MLLT3: variants seen among roughly 807,000 people sequenced by gnomAD.
MLLT3 encodes the protein protein AF-9.
MLLT3 carries 4 observed loss-of-function variants against 53.2 expected under a neutral mutation model. The ratio of observed to expected loss-of-function variants is 0.08; its 90% confidence interval spans 0.04 to 0.17. The LOEUF (loss-of-function observed/expected upper bound fraction) is 0.17, where lower values mean the gene tolerates loss of function less well. Among genes scored for constraint, MLLT3 ranks in the 10% least tolerant of loss-of-function variants. The pLI, the probability that MLLT3 is intolerant of heterozygous loss-of-function variation, is 1.00. For synonymous variants in MLLT3, 283 were observed against 230.6 expected (o/e 1.23, Z -2.06); for missense variants, 569 against 684.0 (o/e 0.83, Z 1.87).
intron 2 of MLLT3, among the ~76,000 whole-genome samples, chr9:20,526,805 C>T (rs1167081867): frequency 6.6e-6 from 1 of 152,130 alleles, no homozygotes; most frequent in Non-Finnish European, 1.5e-5. Context: ...TACATTCCTG[C>T]CAATACTTCA....
At chr9:20,387,638 T>C (rs1822073230) in intron 5 of MLLT3, among the ~76,000 whole-genome samples, 3 of 152,228 alleles carry the variant, frequency 2.0e-5, no homozygotes, top group Non-Finnish European at 4.4e-5. Flanking sequence ...TTGTGATATA[T>C]TATCCTGAAG....
intron 5 of MLLT3, among the ~76,000 whole-genome samples, chr9:20,375,546 T>C (rs1586901657): frequency 6.6e-6 from 1 of 151,860 alleles, no homozygotes; most frequent in Non-Finnish European, 1.5e-5. Flanking sequence ...ATTTGTCCAA[T>C]CAATATTACA....
Position 20,620,647 on chromosome 9 carries a change from GC to G in MLLT3, c.193+6del. The G allele has an allele frequency of 1.9e-6, 3 of 1,612,768 alleles. No homozygotes were observed. Among genetic ancestry groups the G allele is most frequent in the Non-Finnish European group, 2.5e-6 (3 of 1,179,122 alleles). On this transcript the variant is annotated splice_donor_region_variant and intron_variant, in intron 2 of 10. Transcript: ENST00000380338. The surrounding 1 kb of genome is among the most constrained non-coding windows in gnomAD (Gnocchi z 6.1). The stretch of plus-strand genomic sequence containing the variant: ...TTTATCAAGACCCTTTTGTATTCGA[GC>G]CCTACCTCTTTTTGGCCTAGGAAAG...
intron 2 of MLLT3, among the ~76,000 whole-genome samples, chr9:20,599,746 C>T (rs899689624): frequency 1.3e-5 from 2 of 152,120 alleles, no homozygotes; most frequent in Non-Finnish European, 2.9e-5. Context: ...AGTTCTGACA[C>T]CAACACAGGA....
At chr9:20,544,912 C>T (rs1405821061) in intron 2 of MLLT3, among the ~76,000 whole-genome samples, 1 of 151,830 alleles carries the variant, frequency 6.6e-6, no homozygotes, top group East Asian at 1.9e-4. Context: ...AAGTAAGAAC[C>T]TGTCTTTAAA....
intron 4 of MLLT3, among the ~76,000 whole-genome samples, chr9:20,424,847 G>T (rs1435218716): frequency 1.3e-5 from 2 of 152,134 alleles, no homozygotes; most frequent in South Asian, 2.1e-4. Flanking sequence ...ACCACAAAGT[G>T]AGCCTAATGA....
intron 10 of MLLT3, 108 bp downstream of exon 10, chr9:20,353,417 G>T: frequency 1.1e-6 from 1 of 915,166 alleles, no homozygotes; most frequent in Non-Finnish European, 1.8e-6. Flanking sequence ...CATTCGCCAG[G>T]TTCTGATAGC....
chr9:20,440,145 G>A (rs1458162486), intron 4 of MLLT3, among the ~76,000 whole-genome samples: 6 of 152,040 alleles, frequency 3.9e-5, no homozygotes, highest in Non-Finnish European at 7.4e-5. Flanking sequence ...ATCTCAAATG[G>A]GAGAAAGGAG....
rs531290357 is a variant in MLLT3 at position 20,607,381 on chromosome 9, C to A, written c.193+13273G>T. On this transcript the variant is annotated intron_variant, in intron 2 of 10. Coordinates refer to ENST00000380338, the MANE Select transcript of MLLT3 (RefSeq NM_004529.4). Reference sequence around the variant, plus strand: ...TATATTTTCCTCATTCTTGTATACACCTTAATCCTGAAGAAGGGATTCCAG... The same window carrying A: ...TATATTTTCCTCATTCTTGTATACAACTTAATCCTGAAGAAGGGATTCCAG... 5.7e-4 allele frequency among the ~76,000 whole-genome samples: 87 copies of A among 152,196 alleles called. 2 individuals carry two copies. The South Asian group carries it at 0.017, about 30-fold the overall frequency.
At chr9:20,601,866 A>T (rs1334619029) in intron 2 of MLLT3, among the ~76,000 whole-genome samples, 2 of 152,120 alleles carry the variant, frequency 1.3e-5, no homozygotes, top group Non-Finnish European at 2.9e-5. Context: ...TGTGCTACCT[A>T]TACAAATAGG....
At chr9:20,565,593 C>CT (rs1819333048) in intron 2 of MLLT3, among the ~76,000 whole-genome samples, 1 of 152,038 alleles carries the variant, frequency 6.6e-6, no homozygotes, top group South Asian at 2.1e-4. Context: ...CTACAGTTAT[C>CT]TATACCATGA....
intron 5 of MLLT3, among the ~76,000 whole-genome samples, chr9:20,405,504 A>C (rs190619139): frequency 2.6e-5 from 4 of 152,324 alleles, no homozygotes; most frequent in Admixed American, 2.6e-4. Flanking sequence ...AAGAAGCATG[A>C]ATTTTGGCAT....
intron 5 of MLLT3, among the ~76,000 whole-genome samples, chr9:20,376,752 A>G (rs1011540577): frequency 3.3e-5 from 5 of 152,080 alleles, no homozygotes; most frequent in African/African-American, 7.2e-5. Flanking sequence ...TCTCATCACC[A>G]TTTGTACTTT....
chr9:20,571,001 T>A (rs972054871), intron 2 of MLLT3, among the ~76,000 whole-genome samples: 1 of 152,206 alleles, frequency 6.6e-6, no homozygotes. Context: ...TAAGAAGCCA[T>A]GAGTAAAACT....
At chr9:20,619,362 CCTA>C (rs1820928435) in intron 2 of MLLT3, among the ~76,000 whole-genome samples, 1 of 152,164 alleles carries the variant, frequency 6.6e-6, no homozygotes, top group African/African-American at 2.4e-5. Context: ...AAAATACAAT[CCTA>C]CTTCCCATTA....
intron 2 of MLLT3, among the ~76,000 whole-genome samples, chr9:20,507,352 A>C (rs1417400499): frequency 3.3e-5 from 5 of 152,194 alleles, no homozygotes; most frequent in Non-Finnish European, 5.9e-5. Context: ...GGAAGAGCTA[A>C]GGAAATATTT....
intron 5 of MLLT3, among the ~76,000 whole-genome samples, chr9:20,383,480 C>G (rs1241375799): frequency 6.6e-6 from 1 of 151,854 alleles, no homozygotes; most frequent in Non-Finnish European, 1.5e-5. Context: ...TAGCACATAA[C>G]ATCATCTCTC....
intron 3 of MLLT3, among the ~76,000 whole-genome samples, chr9:20,449,558 T>G (rs556383273): frequency 1.3e-5 from 2 of 152,196 alleles, no homozygotes; most frequent in Non-Finnish European, 2.9e-5. Flanking sequence ...CCTTGTTTTA[T>G]TGTTATATTA....
chr9:20,381,797 G>A (rs1821914530), intron 5 of MLLT3, among the ~76,000 whole-genome samples: 2 of 151,594 alleles, frequency 1.3e-5, no homozygotes, highest in African/African-American at 4.8e-5. Flanking sequence ...AAATCATTTT[G>A]GATGAACGAC....
Sources: allele counts gnomAD v4.1 joint callset (sites outside exome capture counted in the v4.1 genomes callset), GRCh38; gene constraint gnomAD v4.1.1; non-coding constraint Gnocchi (gnomAD v3.1); transcripts MANE v1.5; gene names NCBI Gene and HGNC (gene_info 2026-07-23, HGNC 2026-07-21).